The following PEBP4 variants were observed in gnomAD, a reference collection of about 807,000 sequenced individuals.
PEBP4 encodes the protein phosphatidylethanolamine binding protein 4, also known as phosphatidylethanolamine-binding protein 4.
A neutral mutation model predicts 23.9 loss-of-function variants in PEBP4; 22 were observed. The ratio of observed to expected loss-of-function variants is 0.92; its 90% CI spans 0.66 to 1.31. PEBP4 has a LOEUF of 1.31. Among genes scored for constraint, PEBP4 ranks in the 40% most tolerant of loss-of-function variants. The pLI, the probability that PEBP4 is intolerant of heterozygous loss-of-function variation, is 0.00. For missense variants in PEBP4, 324 were observed against 281.7 expected (o/e 1.15, Z -1.07); for synonymous variants, 112 against 99.3 (o/e 1.13, Z -0.76).
chr8:22,771,162 C>T (rs774263953), intron 4 of PEBP4, among the ~76,000 whole-genome samples: 72 of 152,222 alleles, frequency 4.7e-4, no homozygotes, highest in Non-Finnish European at 8.2e-4. Flanking sequence ...GGTTAGTTAA[C>T]ACAATGCATT....
intron 6 of PEBP4, among the ~76,000 whole-genome samples, chr8:22,719,305 T>C (rs1210869245): frequency 6.6e-6 from 1 of 152,200 alleles, no homozygotes; most frequent in East Asian, 1.9e-4. Flanking sequence ...GAGTGGCTTC[T>C]GGAGCAAGCT....
chr8:22,914,531 C>A lies in PEBP4; in HGVS notation c.258+5653G>T, dbSNP rs143777917. Among the ~76,000 whole-genome samples the A allele has an allele frequency of 8.4e-4, 128 of 152,364 alleles. 2 individuals carry two copies. The East Asian group carries it at 0.024, about 29-fold the overall frequency. On this transcript the variant is annotated intron_variant, in intron 3 of 6. Coordinates refer to ENST00000256404, the MANE Select transcript of PEBP4 (RefSeq NM_144962.3). ...TCATTCACTCCTTGGTCCCCTCACA[C>A]GGGTAACCAGTGGCTTGCTGGGGTA...
At chr8:22,786,441 T>C (rs1806029140) in intron 4 of PEBP4, among the ~76,000 whole-genome samples, 1 of 151,974 alleles carries the variant, frequency 6.6e-6, no homozygotes, top group African/African-American at 2.4e-5. Flanking sequence ...CGCCACCATG[T>C]CCGGCAATTT....
chr8:22,762,539 C>A (rs1019989063), intron 4 of PEBP4, among the ~76,000 whole-genome samples: 2 of 152,044 alleles, frequency 1.3e-5, no homozygotes, highest in African/African-American at 4.8e-5. Flanking sequence ...GATTCTCAAT[C>A]CTGAAGAAAG....
intron 3 of PEBP4, among the ~76,000 whole-genome samples, chr8:22,892,375 TA>T (rs1808511957): frequency 6.6e-6 from 1 of 152,194 alleles, no homozygotes. Context: ...TCCATCTGCA[TA>T]ATGCTTTTCA....
chr8:22,806,219 C>T (rs143396775), intron 4 of PEBP4, among the ~76,000 whole-genome samples: 92 of 152,288 alleles, frequency 6.0e-4, no homozygotes, highest in Middle Eastern at 3.4e-3. Flanking sequence ...AATGCAGGCA[C>T]ATCCTTTTGA....
At chr8:22,935,291 T>G (rs1364061259) in intron 1 of PEBP4, among the ~76,000 whole-genome samples, 6 of 151,968 alleles carry the variant, frequency 3.9e-5, no homozygotes, top group Non-Finnish European at 7.4e-5. Context: ...GAAGCCGAGG[T>G]GGGTGGATCA....
At chr8:22,780,800 G>T (rs1805897984) in intron 4 of PEBP4, among the ~76,000 whole-genome samples, 1 of 152,204 alleles carries the variant, frequency 6.6e-6, no homozygotes, top group Admixed American at 6.5e-5. Flanking sequence ...CTTCCCTTCT[G>T]TAAAAGGATG....
intron 4 of PEBP4, among the ~76,000 whole-genome samples, chr8:22,783,919 C>T (rs1805975992): frequency 6.6e-6 from 1 of 152,238 alleles, no homozygotes; most frequent in Non-Finnish European, 1.5e-5. Context: ...GGCCACCACG[C>T]TGGTCTGGCC....
intron 3 of PEBP4, among the ~76,000 whole-genome samples, chr8:22,849,701 C>T (rs1370812778): frequency 1.3e-5 from 2 of 152,186 alleles, no homozygotes; most frequent in African/African-American, 4.8e-5. Flanking sequence ...CTTGAATATG[C>T]TACTTGGCCT....
chr8:22,770,811 C>T (rs1805704280), intron 4 of PEBP4, among the ~76,000 whole-genome samples: 1 of 152,202 alleles, frequency 6.6e-6, no homozygotes, highest in Non-Finnish European at 1.5e-5. Context: ...CACGTATCCA[C>T]GCATCCGCTC....
intron 3 of PEBP4, among the ~76,000 whole-genome samples, chr8:22,843,786 G>A (rs1404973993): frequency 2.6e-5 from 4 of 152,156 alleles, no homozygotes; most frequent in African/African-American, 4.8e-5. Context: ...TGGGAAGCTC[G>A]AAGAGCCTGG....
At chr8:22,852,049 G>A (rs768036964) in intron 3 of PEBP4, among the ~76,000 whole-genome samples, 18 of 152,132 alleles carry the variant, frequency 1.2e-4, no homozygotes, top group South Asian at 2.1e-4. Flanking sequence ...ACACAGACCC[G>A]GAGAGAATAG....
Position 22,819,236 on chromosome 8 carries a change from G to T in PEBP4, c.259-1501C>A, listed in dbSNP as rs1010843576. Among the ~76,000 whole-genome samples, 15 of 152,308 alleles carry T rather than the reference G, an allele frequency of 9.8e-5. No individual in the cohort carries two copies. In the Middle Eastern group the frequency reaches 0.017, roughly 173 times the overall value. On this transcript the variant is annotated intron_variant, in intron 3 of 6. Coordinates refer to ENST00000256404, the MANE Select transcript of PEBP4 (RefSeq NM_144962.3). ...GGAAAGGGGACTTTAGAGCCAAAAA[G>T]TTTGGGGGAACACCTGGAAAGCAGG...
chr8:22,719,198 C>T (rs548717395), intron 6 of PEBP4, among the ~76,000 whole-genome samples: 161 of 152,328 alleles, frequency 1.1e-3, no homozygotes, highest in African/African-American at 2.9e-3. Flanking sequence ...CAAGTTTCCC[C>T]TCTGAGGGCC....
chr8:22,869,623 C>A (rs1227066503), intron 3 of PEBP4, among the ~76,000 whole-genome samples: 1 of 152,162 alleles, frequency 6.6e-6, no homozygotes, highest in Non-Finnish European at 1.5e-5. Context: ...AAGGAGGCCA[C>A]AGACTGGGAG....
chr8:22,867,418 G>C (rs1029215401), intron 3 of PEBP4, among the ~76,000 whole-genome samples: 2 of 152,124 alleles, frequency 1.3e-5, no homozygotes, highest in Non-Finnish European at 2.9e-5. Context: ...TAACCCCCCA[G>C]CCCTTGTGCC....
At chr8:22,839,663 C>T (rs1314571695) in intron 3 of PEBP4, among the ~76,000 whole-genome samples, 3 of 152,174 alleles carry the variant, frequency 2.0e-5, no homozygotes. Context: ...GGGTTGAAGC[C>T]TCTGGTTTCT....
chr8:22,874,737 A>C (rs572607218), intron 3 of PEBP4, among the ~76,000 whole-genome samples: 1 of 152,324 alleles, frequency 6.6e-6, no homozygotes, highest in African/African-American at 2.4e-5. Context: ...CTCCACTCCT[A>C]TGGCAGCCTC....
Sources: allele counts gnomAD v4.1 joint callset (sites outside exome capture counted in the v4.1 genomes callset), GRCh38; gene constraint gnomAD v4.1.1; transcripts MANE v1.5; gene names NCBI Gene and HGNC (gene_info 2026-07-23, HGNC 2026-07-21).